Variants in DOT1L observed in about 807,000 individuals in gnomAD.
DOT1L encodes DOT1 like histone lysine methyltransferase.
Under a neutral mutation model 153.3 loss-of-function variants are expected in DOT1L, and 33 were observed. That is an observed-to-expected ratio of 0.22 (90% CI 0.16 to 0.29). The LOEUF (loss-of-function observed/expected upper bound fraction) is 0.29. DOT1L is among the 10% of genes least tolerant of loss of function. The probability of loss-of-function intolerance (pLI) is 1.00; values close to 1 mark genes in which losing one functional copy is unlikely to be tolerated. For synonymous variants in DOT1L, 1,135 were observed against 965.1 expected, an observed-to-expected ratio of 1.18 and a Z score of -3.26; for missense variants, 1,847 against 2,119.9, an observed-to-expected ratio of 0.87 and a Z score of 2.53.
intron 27 of DOT1L, chr19:2,228,441 C>T: frequency 1.3e-5 from 16 of 1,229,828 alleles, no homozygotes; most frequent in Non-Finnish European, 1.7e-5. Flanking sequence ...CTTCCTTTGG[C>T]AGAGAAGACG....
chr19:2,180,198 C>T (rs1035148405), intron 1 of DOT1L, among the ~76,000 whole-genome samples: 4 of 152,160 alleles, frequency 2.6e-5, no homozygotes, highest in African/African-American at 9.7e-5. Context: ...GGAAACAGGC[C>T]CCGTGGAGGC....
chr19:2,229,122 C>T, intron 27 of DOT1L: 1 of 985,334 alleles, frequency 1.0e-6, no homozygotes, highest in Non-Finnish European at 1.2e-6. Context: ...ACGGTGCCCA[C>T]CTTTGAGACC....
In DOT1L at chr19:2,210,692, G is replaced by A. The variant is rs1425840867; in HGVS notation, c.1188G>A (p.Lys396=). The part of the protein sequence containing the change: ...VKKPSPSKAR[K]KKLNKKGRKM... ...AGCCGTCTCCCTCCAAAGCCCGCAA[G>A]AAGAAGCTAAACAAGAAGGGGAGGA... is the stretch of plus-strand genomic sequence containing the variant. Residue 396 remains lysine, a synonymous_variant, in exon 14 of 28, where the codon AAG becomes AAA. Coordinates refer to ENST00000398665, the MANE Select transcript of DOT1L (RefSeq NM_032482.3). 6.2e-7 allele frequency: 1 copy of A among 1,613,178 alleles called. No individual in the cohort carries two copies.
At chr19:2,184,005 A>G (rs929776809) in intron 2 of DOT1L, among the ~76,000 whole-genome samples, 1 of 152,040 alleles carries the variant, frequency 6.6e-6, no homozygotes, top group African/African-American at 2.4e-5. Context: ...CCTATCGGCC[A>G]TGCCCCTGCT....
At position 2,226,820 on chromosome 19, in the gene DOT1L, G is replaced by A. The variant is rs1474495016; in HGVS notation, c.4299G>A (p.Val1433=). ...ACCTCTTCATCTCTGCGGCGGCCGT[G>A]CCTCCCGGAAGCCTCCTCAGCGGCC... ...GHNLFISAAA[V]PPGSLLSGPG... The change falls in exon 27 of 28, where the codon GTG becomes GTA. Residue 1433 remains valine (V), a synonymous_variant. Coordinates refer to ENST00000398665, the MANE Select transcript of DOT1L (RefSeq NM_032482.3). 3 of 1,579,280 alleles carry A rather than the reference G, an allele frequency of 1.9e-6. No homozygotes were observed. Among genetic ancestry groups the A allele is most frequent in the Non-Finnish European group, 2.6e-6 (3 of 1,170,828 alleles).
intron 1 of DOT1L, among the ~76,000 whole-genome samples, chr19:2,166,100 T>C (rs1198558894): frequency 6.6e-6 from 1 of 150,466 alleles, no homozygotes. Flanking sequence ...TGTTATGTTA[T>C]GTTGTTATTT....
chr19:2,180,584 G>T, intron 1 of DOT1L, 129 bp from the exon 2 acceptor site: 1 of 1,116,632 alleles, frequency 9.0e-7, no homozygotes, highest in South Asian at 1.5e-5. Flanking sequence ...CTGGGTGGTG[G>T]GCTTGGGAGC....
intron 14 of DOT1L, 37 bp downstream of exon 14, chr19:2,210,892 G>T: frequency 1.2e-6 from 2 of 1,601,260 alleles, no homozygotes; most frequent in South Asian, 2.2e-5. Context: ...CGCTCTCCCC[G>T]AGTGCGGATG....
At chr19:2,210,333 C>A in intron 12 of DOT1L, 67 bp from the exon 13 acceptor site, 1 of 1,361,938 alleles carries the variant, frequency 7.3e-7, no homozygotes, top group Non-Finnish European at 9.7e-7. Context: ...GCTCCGCGTG[C>A]CTCTCGGTGC....
At chr19:2,188,618 C>T (rs755614630) in intron 3 of DOT1L, among the ~76,000 whole-genome samples, 3 of 152,060 alleles carry the variant, frequency 2.0e-5, no homozygotes, top group Non-Finnish European at 2.9e-5. Flanking sequence ...TTGCTTGCCT[C>T]GCCACATTCC....
chr19:2,210,418 C>T lies in DOT1L; in HGVS notation c.1024C>T (p.Arg342Trp), dbSNP rs2144829049. Residue 342 changes from arginine (R) to tryptophan (W), a missense_variant, in exon 13 of 28, where the codon CGG becomes TGG. By Grantham distance (101) the Arg-to-Trp change is moderately radical (BLOSUM62 -3). Around this residue, in one of 8 missense-constraint regions of DOT1L, gnomAD observed 205 missense variants for 203.1 expected, o/e 1.01. Transcript: ENST00000398665. ...PKLREEQEAA[R>W]RRQQRESKSN... ...CTTCCAGGAGGAACAGGAGGCAGCC[C>T]GGCGCCGCCAGCAGCGCGAGAGCAA... 6.5e-7 allele frequency: 1 copy of T among 1,547,108 alleles called. No homozygotes were observed. The highest frequency in any genetic ancestry group is 8.7e-7 in the Non-Finnish European group (1 of 1,149,142).
In DOT1L at chr19:2,216,312, G is replaced by A; in HGVS notation, c.1955G>A (p.Arg652Gln). The A allele has an allele frequency of 1.3e-6, 2 of 1,591,744 alleles. No individual in the cohort carries two copies. Among genetic ancestry groups the A allele is most frequent in the Non-Finnish European group, 8.6e-7 (1 of 1,164,560 alleles). The change falls in exon 20 of 28, where the codon CGG becomes CAG. Residue 652 changes from arginine (R) to glutamine (Q), a missense_variant. Physicochemically the swap from Arg to Gln is conservative, Grantham distance 43 (BLOSUM62 1). Coordinates refer to ENST00000398665, the MANE Select transcript of DOT1L (RefSeq NM_032482.3). ...ATTGTGGAGCTAGAGAAGAGCCAGC[G>A]GCAGCAGGAGCTCCTGCAGCTCAAG... is the stretch of plus-strand genomic sequence containing the variant. ...ISIVELEKSQ[R>Q]QQELLQLKSC...
chr19:2,181,757 CCCAGCA>C (rs576345045), intron 2 of DOT1L, among the ~76,000 whole-genome samples: 6,204 of 149,404 alleles, frequency 0.042, 172 homozygotes, highest in East Asian at 0.13. Flanking sequence ...CCAGCCCCCG[CCCAGCA>C]CCAGCCCCAG....
At position 2,222,824 on chromosome 19, in the gene DOT1L, C is replaced by T. The variant is rs2144908985; in HGVS notation, c.3390+265C>T. 1 of 469,358 alleles carries T rather than the reference C, an allele frequency of 2.1e-6. No homozygotes were observed. The highest frequency in any genetic ancestry group is 3.8e-6 in the Non-Finnish European group (1 of 266,352). 29.1% of individuals were successfully genotyped at this position (469,358 alleles called of 1,614,324 possible). A position where few individuals can be genotyped will look rare whatever the true frequency, so the allele number is the denominator to read the frequency against. ...ATGTGAACCCGGGAGGCGGGGCTTG[C>T]AGTGAACTGAGATCGGCCACTGCCT... On this transcript the variant is annotated intron_variant, in intron 24 of 27. Coordinates refer to ENST00000398665, the MANE Select transcript of DOT1L (RefSeq NM_032482.3). The surrounding 1 kb of genome is among the most constrained non-coding windows in gnomAD (Gnocchi z 6.5).
At chr19:2,228,794 G>T (rs1357440591) in intron 27 of DOT1L, 4 of 985,302 alleles carry the variant, frequency 4.1e-6, no homozygotes, top group Non-Finnish European at 4.8e-6. Context: ...CTGTTCCCCA[G>T]GCGCCCAGCA....
rs2020050266 is a variant in DOT1L at position 2,169,554 on chromosome 19, C to T, written c.81+5289C>T. 1.3e-5 allele frequency among the ~76,000 whole-genome samples: 2 copies of T among 151,934 alleles called. 1 individual carries two copies. Among genetic ancestry groups the T allele is most frequent in the South Asian group, 4.2e-4 (2 of 4,800 alleles). ...TGTCTCCCAGGCTGGAGTGCAGTGG[C>T]CCAATCTCGGCTCACTGCAGCCTCC... is the stretch of plus-strand genomic sequence containing the variant. On this transcript the variant is annotated intron_variant, in intron 1 of 27. Coordinates refer to ENST00000398665, the MANE Select transcript of DOT1L (RefSeq NM_032482.3).
intron 23 of DOT1L, chr19:2,221,684 G>C: frequency 2.2e-6 from 1 of 457,214 alleles, no homozygotes; most frequent in East Asian, 3.3e-5. Flanking sequence ...GCCTAGCTCA[G>C]CGGGGAGCCC....
At position 2,191,305 on chromosome 19, in the gene DOT1L, A is replaced by C; in HGVS notation, c.493+65A>C. ...AGGCCACACGCTCTGTGCCTGCCCC[A>C]TGCCTGCTTGGAGAAGAGTTTATCA... On this transcript the variant is annotated intron_variant, in intron 5 of 27. Coordinates refer to ENST00000398665, the MANE Select transcript of DOT1L (RefSeq NM_032482.3). The surrounding 1 kb of genome is among the most constrained non-coding windows in gnomAD (Gnocchi z 6.8). 6.6e-7 allele frequency: 1 copy of C among 1,510,570 alleles called. No homozygotes were observed. The highest frequency in any genetic ancestry group is 9.2e-7 in the Non-Finnish European group (1 of 1,091,376). The allele number at this position is 1,510,570 out of a possible 1,614,324, so 93.6% of individuals were successfully genotyped here. A position where few individuals can be genotyped will look rare whatever the true frequency, so the allele number is the denominator to read the frequency against.
At chr19:2,188,411 G>C (rs2022634303) in intron 3 of DOT1L, 1 of 151,482 alleles carries the variant, frequency 6.6e-6, no homozygotes, top group Non-Finnish European at 1.5e-5. Context: ...GTTGCCATTG[G>C]GAGGAAACTG....
Sources: gnomAD v4.1 joint callset for allele counts (sites outside exome capture counted in the v4.1 genomes callset) on GRCh38, gnomAD v4.1.1 for gene constraint, gnomAD v4.1.1 regional missense constraint, Gnocchi (gnomAD v3.1) non-coding constraint, MANE v1.5 for transcripts, NCBI Gene and HGNC (gene_info 2026-07-23, HGNC 2026-07-21) for gene names.